Variants in PPM1L observed in about 807,000 individuals in gnomAD.
PPM1L encodes the protein protein phosphatase, Mg2+/Mn2+ dependent 1L, also known as protein phosphatase 1L.
A neutral mutation model predicts 31.4 loss-of-function variants in PPM1L; 13 were observed. That is an observed-to-expected ratio of 0.41 (90% confidence interval 0.27 to 0.66). PPM1L has a LOEUF of 0.66. Ranked by LOEUF, PPM1L falls within the 30% of genes least tolerant of loss-of-function variation. The probability of loss-of-function intolerance (pLI) is 0.29; values close to 1 mark genes in which losing one functional copy is unlikely to be tolerated. For synonymous variants in PPM1L, 184 were observed against 175.4 expected (o/e 1.05, Z -0.39); for missense variants, 326 against 453.7 (o/e 0.72, Z 2.56).
intron 1 of PPM1L, among the ~76,000 whole-genome samples, chr3:160,918,899 A>G (rs1487166520): frequency 6.6e-6 from 1 of 152,208 alleles, no homozygotes; most frequent in African/African-American, 2.4e-5. Flanking sequence ...CAATAACATT[A>G]AAGTTCAAAA....
chr3:160,945,041 TATATATTATATATAACTATATATA>T (rs1559897642), intron 1 of PPM1L, among the ~76,000 whole-genome samples: 13 of 10,104 alleles, frequency 1.3e-3, no homozygotes, highest in Non-Finnish European at 3.3e-3. Flanking sequence ...ATATATAACA[TATATATTATATATAACTATATATA>T]ACATGTTATA....
chr3:161,074,391 A>T lies in PPM1L; in HGVS notation c.*5234A>T, dbSNP rs532623385. 2.0e-5 allele frequency: 3 copies of T among 152,374 alleles called. No individual in the cohort carries two copies. Among genetic ancestry groups the T allele is most frequent in the Admixed American group, 2.0e-4 (3 of 15,306 alleles). The allele number at this position is 152,374 out of a possible 1,614,324, so 9.4% of individuals were successfully genotyped here. On this transcript the variant is annotated 3_prime_UTR_variant, in exon 4 of 4. Transcript: ENST00000498165. Reference sequence around the variant, plus strand: ...AGAGATTACCCCAAAGTCATGGATGAAACAAATCTAGTCGAAAACATGGTA... The same window carrying T: ...AGAGATTACCCCAAAGTCATGGATGTAACAAATCTAGTCGAAAACATGGTA...
At chr3:160,863,422 T>A (rs1007028297) in intron 1 of PPM1L, among the ~76,000 whole-genome samples, 1 of 152,242 alleles carries the variant, frequency 6.6e-6, no homozygotes. Context: ...CTTTTTCCAC[T>A]AAATGCCTTT....
chr3:161,036,999 A>C (rs1359946147), intron 2 of PPM1L, among the ~76,000 whole-genome samples: 2 of 152,218 alleles, frequency 1.3e-5, no homozygotes, highest in African/African-American at 2.4e-5. Context: ...ATCTTTGATA[A>C]TTCTGATCTC....
At chr3:161,019,166 G>A (rs902804329) in intron 2 of PPM1L, among the ~76,000 whole-genome samples, 2 of 151,880 alleles carry the variant, frequency 1.3e-5, no homozygotes, top group Non-Finnish European at 2.9e-5. Context: ...TAAGATACTT[G>A]TGGTCATTCT....
chr3:160,928,825 G>A (rs1230342471), intron 1 of PPM1L, among the ~76,000 whole-genome samples: 4 of 152,084 alleles, frequency 2.6e-5, no homozygotes, highest in Non-Finnish European at 5.9e-5. Context: ...CTGAACCTGC[G>A]AATACCTCGA....
intron 1 of PPM1L, among the ~76,000 whole-genome samples, chr3:160,804,804 T>A (rs1712548432): frequency 6.6e-6 from 1 of 152,224 alleles, no homozygotes; most frequent in Admixed American, 6.5e-5. Context: ...TAGCTTTGCC[T>A]TGTGACTTTA....
Position 161,074,629 on chromosome 3 carries a change from A to G in PPM1L, c.*5472A>G, listed in dbSNP as rs188078903. 6.6e-6 allele frequency: 1 copy of G among 152,274 alleles called. No homozygotes were observed. Among genetic ancestry groups the G allele is most frequent in the African/African-American group, 2.4e-5 (1 of 41,560 alleles). The allele number at this position is 152,274 out of a possible 1,614,324, so 9.4% of individuals were successfully genotyped here. A position where few individuals can be genotyped will look rare whatever the true frequency, so the allele number is the denominator to read the frequency against. ...TTTTTTCTAATATGTAAATTTGCTG[A>G]TCCTTAGTAATGTTAATGCTTTGTC... On this transcript the variant is annotated 3_prime_UTR_variant, in exon 4 of 4. Coordinates refer to ENST00000498165, the MANE Select transcript of PPM1L (RefSeq NM_139245.4).
intron 1 of PPM1L, among the ~76,000 whole-genome samples, chr3:160,787,796 C>T (rs111654318): frequency 0.017 from 2,582 of 152,200 alleles, 67 homozygotes; most frequent in African/African-American, 0.059. Flanking sequence ...GGAAGGAGTC[C>T]AGTTTCAATC....
At chr3:160,757,717 A>G (rs771001509) in intron 1 of PPM1L, among the ~76,000 whole-genome samples, 2 of 152,052 alleles carry the variant, frequency 1.3e-5, no homozygotes, top group African/African-American at 4.8e-5. Flanking sequence ...ATTGCTGCAT[A>G]CTCTTTGTTT....
At chr3:160,810,827 T>A (rs1712782416) in intron 1 of PPM1L, among the ~76,000 whole-genome samples, 1 of 152,260 alleles carries the variant, frequency 6.6e-6, no homozygotes, top group Non-Finnish European at 1.5e-5. Flanking sequence ...GTTGATGACC[T>A]GGATCCAGTT....
At chr3:160,879,204 A>C (rs986516952) in intron 1 of PPM1L, among the ~76,000 whole-genome samples, 1 of 152,206 alleles carries the variant, frequency 6.6e-6, no homozygotes. Flanking sequence ...CTGAGAAAGA[A>C]ATGCTACCTT....
chr3:161,007,385 G>A (rs1717749915), intron 2 of PPM1L, among the ~76,000 whole-genome samples: 1 of 152,150 alleles, frequency 6.6e-6, no homozygotes, highest in Non-Finnish European at 1.5e-5. Flanking sequence ...TCACATAGAG[G>A]GACCACCAAG....
intron 1 of PPM1L, among the ~76,000 whole-genome samples, chr3:160,775,275 C>A (rs929876486): frequency 1.3e-5 from 2 of 152,190 alleles, no homozygotes; most frequent in African/African-American, 4.8e-5. Context: ...CCATGCTCTC[C>A]TTTGCTGTGT....
intron 1 of PPM1L, among the ~76,000 whole-genome samples, chr3:160,794,288 A>G (rs532713696): frequency 1.3e-5 from 2 of 152,278 alleles, no homozygotes; most frequent in African/African-American, 4.8e-5. Context: ...AAAGATGATC[A>G]CTATATTAAA....
At chr3:160,916,712 CAT>C (rs1269016119) in intron 1 of PPM1L, among the ~76,000 whole-genome samples, 2 of 151,496 alleles carry the variant, frequency 1.3e-5, no homozygotes, top group African/African-American at 2.4e-5. Flanking sequence ...CTTTGAGAAA[CAT>C]ATGTTTCTAA....
chr3:160,804,718 G>GT, intron 1 of PPM1L, among the ~76,000 whole-genome samples: 1 of 152,250 alleles, frequency 6.6e-6, no homozygotes, highest in Middle Eastern at 3.4e-3. Context: ...TTTGTGAAAT[G>GT]TTTTGCCAAA....
At chr3:161,040,196 C>G (rs371886146) in intron 2 of PPM1L, among the ~76,000 whole-genome samples, 1 of 152,120 alleles carries the variant, frequency 6.6e-6, no homozygotes, top group East Asian at 1.9e-4. Flanking sequence ...TTTAGACACC[C>G]CTTTGCTTTC....
At chr3:160,798,192 A>G (rs1243639122) in intron 1 of PPM1L, among the ~76,000 whole-genome samples, 1 of 122,128 alleles carries the variant, frequency 8.2e-6, no homozygotes. Context: ...ACAAAAACAA[A>G]CAAACAAACA....
Sources: gnomAD v4.1 joint callset for allele counts (sites outside exome capture counted in the v4.1 genomes callset) on GRCh38, gnomAD v4.1.1 for gene constraint, MANE v1.5 for transcripts, NCBI Gene and HGNC (gene_info 2026-07-23, HGNC 2026-07-21) for gene names.